The following PI4K2A variants were observed in gnomAD, a reference collection of about 807,000 sequenced individuals.
PI4K2A encodes the protein phosphatidylinositol 4-kinase type 2-alpha.
A neutral mutation model predicts 55.0 loss-of-function variants in PI4K2A; 20 were observed. The ratio of observed to expected loss-of-function variants is 0.36; its 90% CI spans 0.26 to 0.53. The LOEUF (loss-of-function observed/expected upper bound fraction) is 0.53. PI4K2A is among the 20% of genes least tolerant of loss of function. The pLI, the probability that PI4K2A is intolerant of heterozygous loss-of-function variation, is 0.91. For synonymous variants in PI4K2A, 235 were observed against 258.5 expected (o/e 0.91, Z 0.87); for missense variants, 463 against 637.1 (o/e 0.73, Z 2.94).
chr10:97,659,459 A>G (rs2041570340), intron 4 of PI4K2A, among the ~76,000 whole-genome samples: 1 of 150,994 alleles, frequency 6.6e-6, no homozygotes, highest in Non-Finnish European at 1.5e-5. Flanking sequence ...CTATGAACAG[A>G]CATAATTTTC....
intron 1 of PI4K2A, among the ~76,000 whole-genome samples, chr10:97,649,609 A>ATTT (rs60329004): frequency 0.037 from 2,598 of 70,418 alleles, 726 homozygotes; most frequent in Non-Finnish European, 0.049. Flanking sequence ...TCCATAATAG[A>ATTT]TTTTTTTTTT....
chr10:97,646,717 C>T (rs1186209840), intron 1 of PI4K2A, among the ~76,000 whole-genome samples: 1 of 152,166 alleles, frequency 6.6e-6, no homozygotes, highest in Non-Finnish European at 1.5e-5. Context: ...ACACCCTCCT[C>T]CTTGTCATTG....
Position 97,656,167 on chromosome 10 carries a change from T to G in PI4K2A, c.637-118T>G, listed in dbSNP as rs978544438. On this transcript the variant is annotated intron_variant, in intron 2 of 8. Coordinates refer to ENST00000370631, the Ensembl canonical transcript of PI4K2A. This position sits in a 1 kb window ranked among gnomAD's most constrained non-coding sequence, Gnocchi z 4.5. ...GCTGGGAAGGCTGAGAAATGTATTC[T>G]TTCTGTGCCCTGGAAGAGGAATAGG... 1.4e-5 allele frequency: 12 copies of G among 837,376 alleles called. No homozygotes were observed. Among genetic ancestry groups the G allele is most frequent in the Admixed American group, 1.2e-4 (5 of 43,040 alleles). 51.9% of individuals were successfully genotyped at this position (837,376 alleles called of 1,614,324 possible). A position where few individuals can be genotyped will look rare whatever the true frequency, so the allele number is the denominator to read the frequency against.
At chr10:97,675,074 G>C (rs1421831267) in exon 9 of PI4K2A, 1 of 152,704 alleles carries the variant, frequency 6.5e-6, no homozygotes, top group East Asian at 1.9e-4. Flanking sequence ...GGAGTAAAAA[G>C]GGTGCCATCT....
intron 5 of PI4K2A, among the ~76,000 whole-genome samples, chr10:97,663,975 G>A (rs923946864): frequency 3.9e-5 from 6 of 152,056 alleles, no homozygotes; most frequent in Non-Finnish European, 8.8e-5. Flanking sequence ...GACTACAGGC[G>A]CAAAAGTTGT....
intron 4 of PI4K2A, among the ~76,000 whole-genome samples, chr10:97,660,676 T>TA (rs957241697): frequency 6.6e-6 from 1 of 152,086 alleles, no homozygotes; most frequent in African/African-American, 2.4e-5. Flanking sequence ...TTTTTTTTTT[T>TA]TACCATAATC....
intron 4 of PI4K2A, among the ~76,000 whole-genome samples, chr10:97,659,703 G>T (rs1469097533): frequency 6.6e-6 from 1 of 152,076 alleles, no homozygotes; most frequent in Non-Finnish European, 1.5e-5. Flanking sequence ...ACATCTGGCT[G>T]CCATGTGGCT....
chr10:97,653,182 T>C (rs1442519246), intron 2 of PI4K2A, among the ~76,000 whole-genome samples: 1 of 152,254 alleles, frequency 6.6e-6, no homozygotes, highest in East Asian at 1.9e-4. Context: ...TTTCTTCCTT[T>C]ACTAGGCAAA....
chr10:97,653,912 G>A (rs1288965547), intron 2 of PI4K2A, among the ~76,000 whole-genome samples: 5 of 118,524 alleles, frequency 4.2e-5, no homozygotes, highest in Non-Finnish European at 6.8e-5. Context: ...GCGAGACTCC[G>A]TCTCAAAAAA....
intron 4 of PI4K2A, among the ~76,000 whole-genome samples, chr10:97,660,158 C>CCGT (rs2041574274): frequency 2.6e-5 from 4 of 151,098 alleles, no homozygotes; most frequent in Admixed American, 2.6e-4. Flanking sequence ...CCTGCTACCA[C>CCGT]GCCCGGCTAA....
intron 1 of PI4K2A, among the ~76,000 whole-genome samples, chr10:97,646,499 G>A (rs1031510528): frequency 5.3e-5 from 8 of 152,166 alleles, no homozygotes; most frequent in African/African-American, 1.7e-4. Flanking sequence ...TTACAGGCAT[G>A]AGCCACCACA....
exon 9 of PI4K2A, chr10:97,674,107 A>C: frequency 1.2e-4 from 20 of 170,408 alleles, no homozygotes; most frequent in East Asian, 3.2e-4. Context: ...ACAAAACAAA[A>C]ACAACTTTAA....
intron 8 of PI4K2A, among the ~76,000 whole-genome samples, chr10:97,669,243 A>G (rs926442338): frequency 1.3e-5 from 2 of 152,156 alleles, no homozygotes; most frequent in Non-Finnish European, 2.9e-5. Flanking sequence ...TTTCCCAAGT[A>G]ATGTAAGGGC....
chr10:97,671,598 G>A (rs2041635477), intron 8 of PI4K2A, among the ~76,000 whole-genome samples: 1 of 152,162 alleles, frequency 6.6e-6, no homozygotes, highest in Non-Finnish European at 1.5e-5. Flanking sequence ...AGTGTTAGAA[G>A]GAGAATCCAA....
intron 7 of PI4K2A, 77 bp downstream of exon 7, chr10:97,666,648 A>G: frequency 7.6e-7 from 1 of 1,322,856 alleles, no homozygotes; most frequent in Non-Finnish European, 1.0e-6. Flanking sequence ...GGTCCTGACA[A>G]AAGCCAAGAG....
At chr10:97,654,938 C>A (rs2041545431) in intron 2 of PI4K2A, among the ~76,000 whole-genome samples, 1 of 152,112 alleles carries the variant, frequency 6.6e-6, no homozygotes, top group South Asian at 2.1e-4. Flanking sequence ...CTACCCCTAT[C>A]TCCTGGCCAT....
intron 1 of PI4K2A, among the ~76,000 whole-genome samples, chr10:97,642,946 CTCTT>C (rs1215259099): frequency 7.0e-5 from 10 of 142,762 alleles, no homozygotes; most frequent in South Asian, 2.2e-4. Flanking sequence ...TTCTTTCTTT[CTCTT>C]TCTTTCTTTT....
At chr10:97,672,921 C>T in intron 8 of PI4K2A, among the ~76,000 whole-genome samples, 1 of 149,886 alleles carries the variant, frequency 6.7e-6, no homozygotes, top group East Asian at 1.9e-4. Context: ...TTAGTAGATA[C>T]AGAGTTTCAC....
At position 97,673,656 on chromosome 10, in the gene PI4K2A, G is replaced by A. The variant is rs1205523013; in HGVS notation, c.1354G>A (p.Glu452Lys). The A allele has an allele frequency of 6.2e-7, 1 of 1,613,992 alleles. No individual in the cohort carries two copies. The highest frequency in any genetic ancestry group is 8.5e-7 in the Non-Finnish European group (1 of 1,179,946). Residue 452 changes from glutamate (E) to lysine (K), a missense_variant, in exon 9 of 9, where the codon GAG becomes AAG. By Grantham distance (56) the Glu-to-Lys change is moderately conservative (BLOSUM62 1). Around this residue, in one of 2 missense-constraint regions of PI4K2A, gnomAD observed 277 missense variants for 432.6 expected, o/e 0.64. Coordinates refer to ENST00000370631, the Ensembl canonical transcript of PI4K2A. The stretch of plus-strand genomic sequence containing the variant: ...CGTCCAGATGCCACCTGTGATTGTC[G>A]AGACGGCCCGTTCCCACCAGCGGTC...
Sources: allele counts gnomAD v4.1 joint callset (sites outside exome capture counted in the v4.1 genomes callset), GRCh38; gene constraint gnomAD v4.1.1; regional missense constraint gnomAD v4.1.1; non-coding constraint Gnocchi (gnomAD v3.1); transcripts MANE v1.5; gene names NCBI Gene and HGNC (gene_info 2026-07-23, HGNC 2026-07-21).